TDRD3: variants seen among roughly 807,000 people sequenced by gnomAD.
TDRD3 encodes the protein tudor domain-containing protein 3.
A neutral mutation model predicts 86.7 loss-of-function variants in TDRD3; 45 were observed. The ratio of observed to expected loss-of-function variants is 0.52; its 90% CI spans 0.41 to 0.67. The LOEUF (loss-of-function observed/expected upper bound fraction) is 0.67, where lower values mean the gene tolerates loss of function less well. TDRD3 is among the 30% of genes least tolerant of loss of function. TDRD3 has a pLI of 0.00. For synonymous variants in TDRD3, 298 were observed against 301.7 expected (o/e 0.99, Z 0.13); for missense variants, 814 against 889.0 (o/e 0.92, Z 1.07).
intron 7 of TDRD3, among the ~76,000 whole-genome samples, chr13:60,489,665 T>C (rs1485584852): frequency 6.6e-6 from 1 of 152,218 alleles, no homozygotes; most frequent in African/African-American, 2.4e-5. Context: ...ATCATAACAC[T>C]CTTGCTCAAA....
At chr13:60,460,303 A>C in intron 3 of TDRD3, 77 bp from the exon 4 acceptor site, 4 of 1,271,034 alleles carry the variant, frequency 3.1e-6, no homozygotes, top group Non-Finnish European at 4.2e-6. Flanking sequence ...GAAAAGAGAA[A>C]CACTATAAAT....
chr13:60,429,757 C>CTT (rs1954907548), intron 1 of TDRD3, among the ~76,000 whole-genome samples: 1 of 152,140 alleles, frequency 6.6e-6, no homozygotes, highest in Non-Finnish European at 1.5e-5. Flanking sequence ...AGCATATACA[C>CTT]TTTTGACTAT....
At chr13:60,483,682 C>G in intron 5 of TDRD3, 93 bp from the exon 6 acceptor site, 1 of 1,099,694 alleles carries the variant, frequency 9.1e-7, no homozygotes, top group Non-Finnish European at 1.3e-6. Flanking sequence ...TTATAAGAAT[C>G]TACTCAAATA....
chr13:60,457,452 C>T lies in TDRD3; in HGVS notation c.193-2928C>T, dbSNP rs942970202. Among the ~76,000 whole-genome samples, 9 of 152,210 alleles carry T rather than the reference C, an allele frequency of 5.9e-5. 1 individual carries two copies. Among genetic ancestry groups the T allele is most frequent in the Admixed American group, 2.6e-4 (4 of 15,286 alleles). The stretch of plus-strand genomic sequence containing the variant: ...GAACATGTAGGCTTGTACACTCACT[C>T]GTAGAAGTGCCAATCCGGTGAGGAG... On this transcript the variant is annotated intron_variant, in intron 3 of 13. Coordinates refer to ENST00000377881, the MANE Select transcript of TDRD3 (RefSeq NM_001146070.2).
At chr13:60,527,900 T>A (rs951556228) in intron 10 of TDRD3, among the ~76,000 whole-genome samples, 2 of 152,200 alleles carry the variant, frequency 1.3e-5, no homozygotes, top group African/African-American at 2.4e-5. Context: ...CAGAAAGATT[T>A]GAAAAGAAAC....
intron 8 of TDRD3, among the ~76,000 whole-genome samples, chr13:60,505,433 G>T (rs774933505): frequency 2.6e-5 from 4 of 152,208 alleles, no homozygotes; most frequent in Non-Finnish European, 5.9e-5. Flanking sequence ...AAAGGCAGAT[G>T]CCTCAGCCAG....
intron 5 of TDRD3, among the ~76,000 whole-genome samples, chr13:60,474,326 T>G (rs1448527840): frequency 2.6e-5 from 4 of 152,206 alleles, no homozygotes; most frequent in African/African-American, 7.2e-5. Flanking sequence ...ACAGCATAGC[T>G]AGGCATTCGG....
At chr13:60,435,230 T>C (rs906618738) in intron 1 of TDRD3, among the ~76,000 whole-genome samples, 7 of 152,172 alleles carry the variant, frequency 4.6e-5, no homozygotes, top group Admixed American at 3.3e-4. Context: ...CTTAAGTTTT[T>C]TGGTTTTGTT....
At chr13:60,493,581 T>C (rs1595016917) in intron 7 of TDRD3, among the ~76,000 whole-genome samples, 1 of 152,152 alleles carries the variant, frequency 6.6e-6, no homozygotes, top group East Asian at 1.9e-4. Flanking sequence ...GATAATCACT[T>C]GAGCCTGGGA....
At chr13:60,472,924 A>G (rs1956103122) in intron 5 of TDRD3, among the ~76,000 whole-genome samples, 1 of 152,134 alleles carries the variant, frequency 6.6e-6, no homozygotes, top group Admixed American at 6.5e-5. Flanking sequence ...TAGACCATTT[A>G]CTTTTAATGG....
At chr13:60,427,093 A>G (rs529399720) in intron 1 of TDRD3, among the ~76,000 whole-genome samples, 8 of 152,250 alleles carry the variant, frequency 5.3e-5, no homozygotes, top group Non-Finnish European at 1.2e-4. Context: ...TTAGAGGACC[A>G]CAGTCATATA....
intron 7 of TDRD3, among the ~76,000 whole-genome samples, chr13:60,486,576 T>G (rs1956441758): frequency 6.6e-6 from 1 of 152,204 alleles, no homozygotes; most frequent in Non-Finnish European, 1.5e-5. Context: ...TCAGGGTAAT[T>G]ATATCTGTCA....
At chr13:60,452,022 CAT>C (rs1955558429) in intron 3 of TDRD3, among the ~76,000 whole-genome samples, 1 of 152,152 alleles carries the variant, frequency 6.6e-6, no homozygotes, top group Admixed American at 6.6e-5. Context: ...AGCCCTGACA[CAT>C]AGCATTTGCC....
chr13:60,410,412 A>G (rs376827466), intron 1 of TDRD3, among the ~76,000 whole-genome samples: 98 of 152,268 alleles, frequency 6.4e-4, no homozygotes, highest in Non-Finnish European at 1.2e-3. Flanking sequence ...TTATCTTGCA[A>G]TTATGAGCAC....
chr13:60,395,947 A>G (rs756805510), upstream of TDRD3, among the ~76,000 whole-genome samples: 3 of 152,246 alleles, frequency 2.0e-5, no homozygotes, highest in African/African-American at 4.8e-5. Flanking sequence ...ATAGCATTCC[A>G]TCTAACGAAA....
chr13:60,448,476 A>G (rs1201378812), intron 3 of TDRD3, among the ~76,000 whole-genome samples: 1 of 152,032 alleles, frequency 6.6e-6, no homozygotes, highest in African/African-American at 2.4e-5. Context: ...ATACTTTTCA[A>G]TTTCTGTCTT....
At chr13:60,450,462 G>C (rs1031152421) in intron 3 of TDRD3, among the ~76,000 whole-genome samples, 8 of 152,010 alleles carry the variant, frequency 5.3e-5, no homozygotes, top group African/African-American at 1.9e-4. Flanking sequence ...AGTGACCACT[G>C]GTAAAGTACT....
intron 4 of TDRD3, among the ~76,000 whole-genome samples, chr13:60,463,091 A>T (rs916241792): frequency 6.6e-6 from 1 of 152,196 alleles, no homozygotes; most frequent in Non-Finnish European, 1.5e-5. Context: ...GTCTCTCACC[A>T]TATACAAAAA....
At chr13:60,489,586 A>C (rs907409999) in intron 7 of TDRD3, among the ~76,000 whole-genome samples, 2 of 152,182 alleles carry the variant, frequency 1.3e-5, no homozygotes. Flanking sequence ...ACTCGGAGAT[A>C]ATAATGGTAC....
Sources: allele counts gnomAD v4.1 joint callset (sites outside exome capture counted in the v4.1 genomes callset), GRCh38; gene constraint gnomAD v4.1.1; transcripts MANE v1.5; gene names NCBI Gene and HGNC (gene_info 2026-07-23, HGNC 2026-07-21).